Variants in LTV1 observed in about 807,000 individuals in gnomAD.
LTV1 encodes the protein LTV1 ribosome biogenesis factor.
Under a neutral mutation model 59.9 loss-of-function variants are expected in LTV1, and 39 were observed. The ratio of observed to expected loss-of-function variants is 0.65; its 90% CI spans 0.50 to 0.85. The LOEUF (loss-of-function observed/expected upper bound fraction) is 0.85, where lower values mean the gene tolerates loss of function less well. Among genes scored for constraint, LTV1 ranks in the 40% least tolerant of loss-of-function variants. LTV1 has a pLI of 0.00. For missense variants in LTV1, 493 were observed against 549.1 expected (o/e 0.90, Z 1.02); for synonymous variants, 171 against 189.5 (o/e 0.90, Z 0.80).
At chr6:143,847,793 A>C (rs1001824419) in intron 3 of LTV1, among the ~76,000 whole-genome samples, 9 of 152,272 alleles carry the variant, frequency 5.9e-5, no homozygotes, top group Admixed American at 5.9e-4. Flanking sequence ...ATTTAAAAAC[A>C]GAAGTGTGGT....
intron 3 of LTV1, among the ~76,000 whole-genome samples, chr6:143,847,821 A>G (rs1776918219): frequency 6.6e-6 from 1 of 152,238 alleles, no homozygotes; most frequent in African/African-American, 2.4e-5. Context: ...CTGAAGAGCT[A>G]TGAAAAAATA....
In LTV1 at chr6:143,859,797, A is replaced by G. The variant is rs578219973; in HGVS notation, c.796-629A>G. Reference sequence around the variant, plus strand: ...GTTGCACAATCTTTTAGTTTGCATAACTAAGGAATATGAAAATATCTTTAG... The same window carrying G: ...GTTGCACAATCTTTTAGTTTGCATAGCTAAGGAATATGAAAATATCTTTAG... On this transcript the variant is annotated intron_variant, in intron 6 of 10. Transcript: ENST00000367576. Among the ~76,000 whole-genome samples, 7 of 152,382 alleles carry G rather than the reference A, an allele frequency of 4.6e-5. No individual in the cohort carries two copies. The South Asian group carries it at 1.4e-3, about 32-fold the overall frequency.
chr6:143,848,967 A>G lies in LTV1; in HGVS notation c.310-1164A>G, dbSNP rs149070342. ...GAATGAACTTGATTTGCATGGTCAT[A>G]TAGAATAACTGAGAAATTTGGATAC... is the stretch of plus-strand genomic sequence containing the variant. On this transcript the variant is annotated intron_variant, in intron 3 of 10. Transcript: ENST00000367576. Among the ~76,000 whole-genome samples the G allele has an allele frequency of 2.1e-4, 32 of 152,316 alleles. No homozygotes were observed. The East Asian group carries it at 5.8e-3, about 28-fold the overall frequency.
At chr6:143,856,694 G>T (rs1471633772) in intron 4 of LTV1, among the ~76,000 whole-genome samples, 2 of 152,190 alleles carry the variant, frequency 1.3e-5, no homozygotes, top group African/African-American at 4.8e-5. Context: ...AGACCCCTCT[G>T]CTGTAGGTCT....
rs934386264 is a variant in LTV1 at position 143,855,874 on chromosome 6, C to A, written c.398-1429C>A. On this transcript the variant is annotated intron_variant, in intron 4 of 10. Coordinates refer to ENST00000367576, the MANE Select transcript of LTV1 (RefSeq NM_032860.5). The surrounding 1 kb of genome is among the most constrained non-coding windows in gnomAD (Gnocchi z 4.6). ...GACCTTTCTCTCTGGCTGCCCTTAA[C>A]ATTTTTTTCTTCATTTCAACCTTCG... Among the ~76,000 whole-genome samples, 1 of 152,108 alleles carries A rather than the reference C, an allele frequency of 6.6e-6. No individual in the cohort carries two copies. The highest frequency in any genetic ancestry group is 1.5e-5 in the Non-Finnish European group (1 of 68,028).
chr6:143,860,616 G>A, intron 7 of LTV1, 63 bp downstream of exon 7: 2 of 1,457,304 alleles, frequency 1.4e-6, no homozygotes, highest in South Asian at 2.9e-5. Context: ...AAATTCCAAA[G>A]AAAGGTCTAT....
In LTV1 at chr6:143,863,009, T is replaced by G. The variant is rs1777196648; in HGVS notation, c.1117-77T>G. ...GGCTAGAGTGATATTAGAAAAAGCA[T>G]CAACAGTATGTCATTAATGAGCTAT... On this transcript the variant is annotated intron_variant, in intron 9 of 10. Coordinates refer to ENST00000367576, the MANE Select transcript of LTV1 (RefSeq NM_032860.5). The surrounding 1 kb of genome is among the most constrained non-coding windows in gnomAD (Gnocchi z 4.5). 1.4e-6 allele frequency: 2 copies of G among 1,460,816 alleles called. No individual in the cohort carries two copies. Among genetic ancestry groups the G allele is most frequent in the African/African-American group, 2.8e-5 (2 of 71,456 alleles). The allele number at this position is 1,460,816 out of a possible 1,614,324, so 90.5% of individuals were successfully genotyped here.
chr6:143,851,423 C>CATTT (rs34227056), intron 4 of LTV1, among the ~76,000 whole-genome samples: 48,916 of 151,576 alleles, frequency 0.32, 8,327 homozygotes, highest in East Asian at 0.53. Flanking sequence ...AAAAATTGTT[C>CATTT]GAGTTATTTT....
intron 7 of LTV1, among the ~76,000 whole-genome samples, chr6:143,860,902 T>G (rs1223425952): frequency 6.6e-6 from 1 of 151,872 alleles, no homozygotes; most frequent in Non-Finnish European, 1.5e-5. Flanking sequence ...TATTAAATTT[T>G]TTTTTTTTTT....
At position 143,846,038 on chromosome 6, in the gene LTV1, A is replaced by G; in HGVS notation, c.136-13A>G. Reference sequence around the variant, plus strand: ...AGATAGTGAAGAAAGTACTAATTCCATTTCGTTTATAGATAGACAATGAAG... The same window carrying G: ...AGATAGTGAAGAAAGTACTAATTCCGTTTCGTTTATAGATAGACAATGAAG... On this transcript the variant is annotated splice_polypyrimidine_tract_variant and intron_variant, in intron 2 of 10. Coordinates refer to ENST00000367576, the MANE Select transcript of LTV1 (RefSeq NM_032860.5). 2 of 1,610,296 alleles carry G rather than the reference A, an allele frequency of 1.2e-6. No homozygotes were observed. Among genetic ancestry groups the G allele is most frequent in the Non-Finnish European group, 1.7e-6 (2 of 1,178,584 alleles).
intron 6 of LTV1, among the ~76,000 whole-genome samples, chr6:143,860,044 A>C (rs973648926): frequency 6.6e-6 from 1 of 152,184 alleles, no homozygotes; most frequent in Non-Finnish European, 1.5e-5. Flanking sequence ...TTGAGGCTGC[A>C]GTGAACTATG....
At chr6:143,854,707 C>A (rs9484817) in intron 4 of LTV1, among the ~76,000 whole-genome samples, 45,685 of 151,898 alleles carry the variant, frequency 0.3, 7,125 homozygotes, top group East Asian at 0.53. Context: ...TTATTTACCC[C>A]GTAGGCATTC....
In LTV1 at chr6:143,844,560, A is replaced by C; in HGVS notation, c.78A>C (p.Arg26=). 6.2e-7 allele frequency: 1 copy of C among 1,614,172 alleles called. No individual in the cohort carries two copies. The highest frequency in any genetic ancestry group is 8.5e-7 in the Non-Finnish European group (1 of 1,180,022). The change falls in exon 2 of 11, where the codon CGA becomes CGC. Residue 26 remains arginine (R), a synonymous_variant. Coordinates refer to ENST00000367576, the MANE Select transcript of LTV1 (RefSeq NM_032860.5). The part of the protein sequence containing the change: ...VSFHLVHRSQ[R]DPLAADESAP... ...TTCACTTGGTCCACCGGAGCCAACG[A>C]GATCCTTTAGCAGCAGATGAGAGTG...
chr6:143,847,464 C>T (rs1290891114), intron 3 of LTV1, among the ~76,000 whole-genome samples: 6 of 152,288 alleles, frequency 3.9e-5, no homozygotes, highest in South Asian at 2.1e-4. Context: ...CGGGTTCAAG[C>T]GATTCTCCTG....
intron 4 of LTV1, among the ~76,000 whole-genome samples, chr6:143,852,731 G>C (rs1777005136): frequency 6.6e-6 from 1 of 152,172 alleles, no homozygotes; most frequent in African/African-American, 2.4e-5. Flanking sequence ...AATCCATCTT[G>C]AGTTAATTTT....
intron 3 of LTV1, 126 bp from the exon 4 acceptor site, chr6:143,850,005 C>A: frequency 1.5e-6 from 1 of 651,114 alleles, no homozygotes; most frequent in Non-Finnish European, 2.7e-6. Flanking sequence ...GTTGAGAGGA[C>A]CCTATTTCAA....
intron 4 of LTV1, among the ~76,000 whole-genome samples, chr6:143,856,280 C>G (rs1284268851): frequency 1.3e-5 from 2 of 152,112 alleles, no homozygotes; most frequent in Non-Finnish European, 2.9e-5. Context: ...TTTTTCAGCT[C>G]CATCAGGTCA....
chr6:143,860,985 C>T (rs1253456181), intron 7 of LTV1, among the ~76,000 whole-genome samples: 1 of 151,846 alleles, frequency 6.6e-6, no homozygotes. Flanking sequence ...CAACCTCCGC[C>T]TCCCAGGTTC....
Position 143,857,540 on chromosome 6 carries a change from C to A in LTV1, c.539+96C>A. ...GAACGTTACAGTTGGAAGAGACCTT[C>A]AAGAGCATTTAATCTGAGACTTCTG... On this transcript the variant is annotated intron_variant, in intron 5 of 10. Transcript: ENST00000367576. The surrounding 1 kb of genome is among the most constrained non-coding windows in gnomAD (Gnocchi z 5.2). 8.3e-7 allele frequency: 1 copy of A among 1,207,500 alleles called. No individual in the cohort carries two copies. Among genetic ancestry groups the A allele is most frequent in the Non-Finnish European group, 1.2e-6 (1 of 840,198 alleles). The allele number at this position is 1,207,500 out of a possible 1,614,324, so 74.8% of individuals were successfully genotyped here.
Sources: gnomAD v4.1 joint callset for allele counts (sites outside exome capture counted in the v4.1 genomes callset) on GRCh38, gnomAD v4.1.1 for gene constraint, Gnocchi (gnomAD v3.1) non-coding constraint, MANE v1.5 for transcripts, NCBI Gene and HGNC (gene_info 2026-07-23, HGNC 2026-07-21) for gene names.